The following NTN4 variants were observed in gnomAD, a reference collection of about 807,000 sequenced individuals.
NTN4 encodes netrin 4, also known as netrin-4.
NTN4 carries 32 observed loss-of-function variants against 73.6 expected under a neutral mutation model. The ratio of observed to expected loss-of-function variants is 0.44; its 90% CI spans 0.33 to 0.58. The LOEUF (loss-of-function observed/expected upper bound fraction) is 0.58. Among genes scored for constraint, NTN4 ranks in the 20% least tolerant of loss-of-function variants. The pLI, the probability that NTN4 is intolerant of heterozygous loss-of-function variation, is 0.04. For synonymous variants in NTN4, 258 were observed against 287.5 expected, an observed-to-expected ratio of 0.90 and a Z score of 1.04; for missense variants, 654 against 798.3, an observed-to-expected ratio of 0.82 and a Z score of 2.18.
chr12:95,663,780 T>C (rs2078156828), intron 9 of NTN4: 1 of 152,248 alleles, frequency 6.6e-6, no homozygotes, highest in African/African-American at 2.4e-5. Context: ...TGAACTCAGT[T>C]GATTCTTTGA....
chr12:95,784,600 C>G (rs1465318777), intron 2 of NTN4, among the ~76,000 whole-genome samples: 6 of 151,982 alleles, frequency 3.9e-5, no homozygotes, highest in African/African-American at 1.5e-4. Context: ...AACCCCATGT[C>G]TACTAAAAAT....
chr12:95,757,756 G>A (rs183564155), intron 2 of NTN4, among the ~76,000 whole-genome samples: 1 of 136,846 alleles, frequency 7.3e-6, no homozygotes, highest in East Asian at 2.1e-4. Flanking sequence ...GAAGCCCAAG[G>A]AAGTGAGAAT....
intron 5 of NTN4, among the ~76,000 whole-genome samples, chr12:95,699,317 A>T (rs2078465546): frequency 1.3e-5 from 2 of 152,266 alleles, no homozygotes; most frequent in South Asian, 4.1e-4. Context: ...ACGAGAATAA[A>T]CAAATGAAAG....
At position 95,713,279 on chromosome 12, in the gene NTN4, G is replaced by A; in HGVS notation, c.924C>T (p.Ala308=). Residue 308 remains alanine (A), a synonymous_variant, in exon 4 of 10, where the codon GCC becomes GCT. Coordinates refer to ENST00000343702, the MANE Select transcript of NTN4 (RefSeq NM_021229.4). ...NTAGSHCQHC[A]PLYNDRPWEA... ...CCCATGGCCGGTCATTGTATAACGG[G>A]GCACAGTGCTGGCAGTGGCTGCCTG... 6.2e-7 allele frequency: 1 copy of A among 1,613,214 alleles called. No homozygotes were observed.
chr12:95,667,357 A>G (rs1270948009), intron 8 of NTN4, among the ~76,000 whole-genome samples: 1 of 151,500 alleles, frequency 6.6e-6, no homozygotes, highest in African/African-American at 2.4e-5. Flanking sequence ...GCTAATTTTC[A>G]TATATATATA....
At position 95,699,819 on chromosome 12, in the gene NTN4, AG is replaced by A. The variant is rs529043111; in HGVS notation, c.1180+10621del. Reference sequence around the variant, plus strand: ...TTGACTACATTTATTTTGGCCCATCAGGGAGGAAGGAAGGGCATGCCAATCT... The same window carrying A: ...TTGACTACATTTATTTTGGCCCATCAGGAGGAAGGAAGGGCATGCCAATCT... On this transcript the variant is annotated intron_variant, in intron 5 of 9. Transcript: ENST00000343702. 4.3e-4 allele frequency among the ~76,000 whole-genome samples: 66 copies of A among 152,280 alleles called. No individual in the cohort carries two copies. In the East Asian group the frequency reaches 0.012, roughly 27 times the overall value.
At position 95,658,829 on chromosome 12, in the gene NTN4, T is replaced by C. The variant is rs1283173109; in HGVS notation, c.*257A>G. ...TAAATGTCATGCTGCTATTAAAATA[T>C]TCTTAATAGTTAAGAATTTCAGAAT... On this transcript the variant is annotated 3_prime_UTR_variant, in exon 10 of 10. Transcript: ENST00000343702. 1 of 294,438 alleles carries C rather than the reference T, an allele frequency of 3.4e-6. No homozygotes were observed. Among genetic ancestry groups the C allele is most frequent in the Non-Finnish European group, 6.2e-6 (1 of 161,122 alleles). 18.2% of individuals were successfully genotyped at this position (294,438 alleles called of 1,614,324 possible). A position where few individuals can be genotyped will look rare whatever the true frequency, so the allele number is the denominator to read the frequency against.
chr12:95,743,667 T>A (rs948050904), intron 2 of NTN4, among the ~76,000 whole-genome samples: 1 of 152,224 alleles, frequency 6.6e-6, no homozygotes, highest in African/African-American at 2.4e-5. Flanking sequence ...TGTTATTGAT[T>A]TCTAACTTAA....
chr12:95,664,527 G>T (rs186053620), intron 9 of NTN4, among the ~76,000 whole-genome samples: 1 of 152,078 alleles, frequency 6.6e-6, no homozygotes, highest in South Asian at 2.1e-4. Flanking sequence ...AGACTGAGGG[G>T]ATATTTTATT....
rs1159733045 is a variant in NTN4 at position 95,713,357 on chromosome 12, G to A, written c.865-19C>T. 2 of 1,566,800 alleles carry A rather than the reference G, an allele frequency of 1.3e-6. No homozygotes were observed. The highest frequency in any genetic ancestry group is 1.7e-6 in the Non-Finnish European group (2 of 1,146,618). On this transcript the variant is annotated intron_variant, in intron 3 of 9. Coordinates refer to ENST00000343702, the MANE Select transcript of NTN4 (RefSeq NM_021229.4). ...CATGGACCTACAAGCAACATCAAGT[G>A]AGAACTATGAGCACACATGTCGCCA...
intron 5 of NTN4, among the ~76,000 whole-genome samples, chr12:95,704,963 T>C (rs1197497913): frequency 6.6e-6 from 1 of 152,214 alleles, no homozygotes; most frequent in Non-Finnish European, 1.5e-5. Context: ...ATTTTCATAA[T>C]TTTCCTACTT....
At chr12:95,677,869 A>G (rs1021531572) in intron 7 of NTN4, among the ~76,000 whole-genome samples, 1 of 152,252 alleles carries the variant, frequency 6.6e-6, no homozygotes, top group Non-Finnish European at 1.5e-5. Flanking sequence ...TCATTCTACT[A>G]TAAAGACACC....
At position 95,737,678 on chromosome 12, in the gene NTN4, G is replaced by C. The variant is rs577255371; in HGVS notation, c.864+188C>G. On this transcript the variant is annotated intron_variant, in intron 3 of 9. Coordinates refer to ENST00000343702, the MANE Select transcript of NTN4 (RefSeq NM_021229.4). ...TCCAAGGAATCTGGTTATCAGGCTT[G>C]ACTACAACTCTAAAACTGAAGATTA... 2.6e-5 allele frequency among the ~76,000 whole-genome samples: 4 copies of C among 152,288 alleles called. No individual in the cohort carries two copies. The East Asian group carries it at 7.7e-4, about 29-fold the overall frequency.
At chr12:95,779,536 T>C (rs2079117720) in intron 2 of NTN4, among the ~76,000 whole-genome samples, 1 of 152,162 alleles carries the variant, frequency 6.6e-6, no homozygotes, top group African/African-American at 2.4e-5. Context: ...AGCCAAATCA[T>C]GAGTGAACTC....
chr12:95,676,866 G>A (rs754585354), intron 7 of NTN4, among the ~76,000 whole-genome samples: 2 of 152,132 alleles, frequency 1.3e-5, no homozygotes, highest in Admixed American at 1.3e-4. Flanking sequence ...GAAGATTAAG[G>A]ACAGATTGAG....
At chr12:95,667,701 T>C (rs2078192571) in intron 8 of NTN4, among the ~76,000 whole-genome samples, 1 of 151,638 alleles carries the variant, frequency 6.6e-6, no homozygotes, top group Non-Finnish European at 1.5e-5. Context: ...TACTAAAAAA[T>C]ACAAAAAATT....
At chr12:95,694,375 T>G (rs2078425452) in intron 5 of NTN4, among the ~76,000 whole-genome samples, 1 of 145,220 alleles carries the variant, frequency 6.9e-6, no homozygotes. Flanking sequence ...GCTCCCAACA[T>G]TGTTTTCTCC....
At chr12:95,760,680 C>CTT (rs11308260) in intron 2 of NTN4, among the ~76,000 whole-genome samples, 3,632 of 130,720 alleles carry the variant, frequency 0.028, 190 homozygotes, top group East Asian at 0.24. Context: ...ATTGTATCAT[C>CTT]TTTTTTTTTT....
At chr12:95,774,127 A>G (rs1382197293) in intron 2 of NTN4, among the ~76,000 whole-genome samples, 1 of 152,036 alleles carries the variant, frequency 6.6e-6, no homozygotes, top group Non-Finnish European at 1.5e-5. Context: ...TATATGTTGT[A>G]TACAATACCT....
Sources: allele counts gnomAD v4.1 joint callset (sites outside exome capture counted in the v4.1 genomes callset), GRCh38; gene constraint gnomAD v4.1.1; transcripts MANE v1.5; gene names NCBI Gene and HGNC (gene_info 2026-07-23, HGNC 2026-07-21).